The following TMF1 variants were observed in gnomAD, a reference collection of about 807,000 sequenced individuals.
TMF1 encodes the protein TATA element modulatory factor 1, also known as TATA element modulatory factor.
TMF1 carries 71 observed loss-of-function variants against 126.5 expected under a neutral mutation model. The observed-to-expected ratio is 0.56, with a 90% CI of 0.46 to 0.68. The LOEUF is 0.68. Among genes scored for constraint, TMF1 ranks in the 30% least tolerant of loss-of-function variants. The probability of loss-of-function intolerance (pLI) is 0.00; values close to 1 mark genes in which losing one functional copy is unlikely to be tolerated. For missense variants in TMF1, 1,259 were observed against 1,253.2 expected (o/e 1.00, Z -0.07); for synonymous variants, 461 against 430.5 (o/e 1.07, Z -0.88).
chr3:69,029,821 T>C lies in TMF1; in HGVS notation c.2588A>G (p.Asn863Ser). Residue 863 changes from asparagine to serine, a missense_variant, in exon 11 of 17, where the codon AAC (asparagine) becomes AGC (serine). Coordinates refer to ENST00000398559, the MANE Select transcript of TMF1 (RefSeq NM_007114.3). ...ACTCAGAAACCATGCTCACCTATTG[T>C]TCTCATCCTCCAGTTTACACAGCCT... ...KNRLCKLEDE[N>S]NRYQVELENL... 4.3e-6 allele frequency: 7 copies of C among 1,609,232 alleles called. No homozygotes were observed. Among genetic ancestry groups the C allele is most frequent in the Non-Finnish European group, 5.9e-6 (7 of 1,177,858 alleles).
chr3:69,042,391 AT>A (rs2091871682), intron 5 of TMF1: 1 of 456,380 alleles, frequency 2.2e-6, no homozygotes. Context: ...TAATTTAAAA[AT>A]TAATACAATG....
intron 4 of TMF1, 90 bp downstream of exon 4, chr3:69,043,660 T>G: frequency 7.9e-7 from 1 of 1,263,916 alleles, no homozygotes; most frequent in South Asian, 1.6e-5. Flanking sequence ...CTTACTTCTC[T>G]TTTTTCCAAT....
At chr3:69,028,112 G>A in intron 12 of TMF1, 114 bp downstream of exon 12, 1 of 1,153,190 alleles carries the variant, frequency 8.7e-7, no homozygotes, top group South Asian at 1.3e-5. Context: ...TAAAGACCAA[G>A]TTCCAAAAGC....
chr3:69,041,119 T>C (rs1053597247), intron 5 of TMF1, among the ~76,000 whole-genome samples: 1 of 152,148 alleles, frequency 6.6e-6, no homozygotes, highest in South Asian at 2.1e-4. Flanking sequence ...TAACATTCGA[T>C]ATTAATATTT....
intron 2 of TMF1, 112 bp downstream of exon 2, chr3:69,047,246 T>C: frequency 1.6e-6 from 2 of 1,282,862 alleles, no homozygotes; most frequent in Non-Finnish European, 2.1e-6. Context: ...GCAAAATGCG[T>C]ATGTTTTTAA....
intron 6 of TMF1, 92 bp downstream of exon 6, chr3:69,039,459 T>C: frequency 1.5e-6 from 2 of 1,377,078 alleles, no homozygotes; most frequent in Non-Finnish European, 9.8e-7. Flanking sequence ...ATATACCCCA[T>C]TAAATCTTTT....
In TMF1 at chr3:69,048,056, A is replaced by G; in HGVS notation, c.649T>C (p.Ser217Pro). ...MESISNTSTQ[S>P]LTAETKDIAL... The stretch of plus-strand genomic sequence containing the variant: ...ATGTCCTTTGTTTCTGCTGTGAGAG[A>G]CTGCGTAGACGTATTAGATATACTT... The change falls in exon 2 of 17, where the codon TCT becomes CCT. Residue 217 changes from serine (S) to proline (P), a missense_variant. By Grantham distance (74) the Ser-to-Pro change is moderately conservative. Transcript: ENST00000398559. The G allele has an allele frequency of 6.2e-7, 1 of 1,614,042 alleles. No homozygotes were observed. Among genetic ancestry groups the G allele is most frequent in the South Asian group, 1.1e-5 (1 of 91,072 alleles).
In TMF1 at chr3:69,042,732, C is replaced by T. The variant is rs946947678; in HGVS notation, c.1684+75G>A. The T allele has an allele frequency of 4.3e-5, 51 of 1,185,278 alleles. No individual in the cohort carries two copies. The East Asian group carries it at 1.2e-3, about 27-fold the overall frequency. 73.4% of individuals were successfully genotyped at this position (1,185,278 alleles called of 1,614,324 possible). A position where few individuals can be genotyped will look rare whatever the true frequency, so the allele number is the denominator to read the frequency against. On this transcript the variant is annotated intron_variant, in intron 5 of 16. Coordinates refer to ENST00000398559, the MANE Select transcript of TMF1 (RefSeq NM_007114.3). ...GCTTTCAGTATTTTTAATTAGGAAG[C>T]ATCAGCTAGTTATGTGGCAAGTACT...
chr3:69,030,109 A>G (rs1246813988), intron 10 of TMF1, 102 bp from the exon 11 acceptor site: 1 of 977,982 alleles, frequency 1.0e-6, no homozygotes, highest in Admixed American at 2.8e-5. Context: ...AAGTAGCCAC[A>G]CTTAAAACTG....
chr3:69,039,775 T>C (rs1157608897), intron 5 of TMF1, 82 bp from the exon 6 acceptor site: 3 of 1,443,756 alleles, frequency 2.1e-6, no homozygotes, highest in Admixed American at 2.5e-5. Flanking sequence ...AATAGTAACA[T>C]AAAAGAACAG....
At chr3:69,027,064 C>T (rs948845712) in intron 13 of TMF1, among the ~76,000 whole-genome samples, 5 of 152,026 alleles carry the variant, frequency 3.3e-5, no homozygotes, top group Admixed American at 6.6e-5. Context: ...GATGCGATCT[C>T]GGCTCACTGC....
rs1023902011 is a variant in TMF1 at position 69,039,298 on chromosome 3, C to G, written c.1827+253G>C. Reference sequence around the variant, plus strand: ...AGTATTTTTAGCAGAGACAGGGTTTCGCCTTGTTGACCGGGCTGATCTCAA... The same window carrying G: ...AGTATTTTTAGCAGAGACAGGGTTTGGCCTTGTTGACCGGGCTGATCTCAA... On this transcript the variant is annotated intron_variant, in intron 6 of 16. Coordinates refer to ENST00000398559, the MANE Select transcript of TMF1 (RefSeq NM_007114.3). 6.6e-5 allele frequency among the ~76,000 whole-genome samples: 10 copies of G among 152,098 alleles called. 1 individual carries two copies. Among genetic ancestry groups the G allele is most frequent in the Admixed American group, 2.0e-4 (3 of 15,274 alleles).
chr3:69,029,916 C>T lies in TMF1; in HGVS notation c.2493G>A (p.Met831Ile). Reference protein sequence around the residue: ...LLANKIQMSSMESQNSLLRQE... With the variant: ...LLANKIQMSSIESQNSLLRQE... ...GTCTTAAAAGAGAATTCTGTGACTC[C>T]ATGGAAGACATCTGAATTTTGTTAG... Residue 831 changes from methionine to isoleucine, a missense_variant, in exon 11 of 17, where the codon ATG (methionine) becomes ATA (isoleucine). Coordinates refer to ENST00000398559, the MANE Select transcript of TMF1 (RefSeq NM_007114.3). 1 of 1,614,070 alleles carries T rather than the reference C, an allele frequency of 6.2e-7. No individual in the cohort carries two copies. The highest frequency in any genetic ancestry group is 8.5e-7 in the Non-Finnish European group (1 of 1,180,000).
intron 3 of TMF1, 88 bp from the exon 4 acceptor site, chr3:69,043,964 T>C: frequency 8.8e-7 from 1 of 1,136,802 alleles, no homozygotes; most frequent in Non-Finnish European, 1.2e-6. Flanking sequence ...GGAAGATAAC[T>C]TTTCTCTGAC....
At chr3:69,038,527 T>C in intron 8 of TMF1, 37 bp downstream of exon 8, 1 of 1,596,698 alleles carries the variant, frequency 6.3e-7, no homozygotes. Context: ...TAAACAAATA[T>C]TTTTAAAACT....
intron 8 of TMF1, among the ~76,000 whole-genome samples, chr3:69,037,700 G>A (rs572943280): frequency 7.2e-4 from 109 of 152,264 alleles, no homozygotes; most frequent in African/African-American, 2.4e-3. Context: ...CAGCTACTCA[G>A]GAGGCTGAGG....
intron 1 of TMF1, 73 bp downstream of exon 1, chr3:69,051,872 C>A: frequency 1.3e-6 from 2 of 1,548,022 alleles, no homozygotes; most frequent in Non-Finnish European, 1.7e-6. Context: ...CCCCTCTCTA[C>A]ACCACTTAAC....
chr3:69,032,754 C>T (rs1043208942), intron 10 of TMF1, among the ~76,000 whole-genome samples: 5 of 151,958 alleles, frequency 3.3e-5, no homozygotes, highest in Non-Finnish European at 5.9e-5. Flanking sequence ...GGATTACAGG[C>T]ATGCGCCATG....
At chr3:69,051,870 T>C in intron 1 of TMF1, 75 bp downstream of exon 1, 6 of 1,545,626 alleles carry the variant, frequency 3.9e-6, no homozygotes, top group South Asian at 1.2e-5. Context: ...GACCCCTCTC[T>C]ACACCACTTA....
Sources: gnomAD v4.1 joint callset for allele counts (sites outside exome capture counted in the v4.1 genomes callset) on GRCh38, gnomAD v4.1.1 for gene constraint, MANE v1.5 for transcripts, NCBI Gene and HGNC (gene_info 2026-07-23, HGNC 2026-07-21) for gene names.